KCNMA1: variants seen among roughly 807,000 people sequenced by gnomAD.
The protein encoded by KCNMA1 is Calcium-activated potassium channel subunit alpha-1.
KCNMA1 carries 29 observed loss-of-function variants against 140.0 expected under a neutral mutation model. The ratio of observed to expected loss-of-function variants is 0.21; its 90% CI spans 0.15 to 0.28. KCNMA1 has a LOEUF of 0.28. Ranked by LOEUF, KCNMA1 falls within the 10% of genes least tolerant of loss-of-function variation. The probability of loss-of-function intolerance (pLI) is 1.00; values close to 1 mark genes in which losing one functional copy is unlikely to be tolerated. For synonymous variants in KCNMA1, 612 were observed against 611.9 expected (o/e 1.00, Z 0.00); for missense variants, 880 against 1,602.2 (o/e 0.55, Z 7.70).
chr10:77,191,557 A>G (rs1160041706), intron 3 of KCNMA1, among the ~76,000 whole-genome samples: 1 of 152,088 alleles, frequency 6.6e-6, no homozygotes, highest in Non-Finnish European at 1.5e-5. Context: ...ATGTGTGTTC[A>G]ATAAGTTGTG....
intron 1 of KCNMA1, among the ~76,000 whole-genome samples, chr10:77,591,287 G>A (rs892614878): frequency 3.9e-5 from 6 of 152,170 alleles, no homozygotes; most frequent in African/African-American, 7.2e-5. Flanking sequence ...ACCACAGATC[G>A]CATGTGGTGG....
intron 3 of KCNMA1, among the ~76,000 whole-genome samples, chr10:77,208,529 C>T (rs932486880): frequency 3.5e-5 from 5 of 141,864 alleles, no homozygotes; most frequent in African/African-American, 1.3e-4. Context: ...AACCTGTGCG[C>T]AGAAATGAAA....
chr10:77,047,404 G>A (rs930777957), intron 14 of KCNMA1, among the ~76,000 whole-genome samples: 1 of 152,096 alleles, frequency 6.6e-6, no homozygotes, highest in Non-Finnish European at 1.5e-5. Flanking sequence ...ACATGTAAAA[G>A]TACCAGAATA....
intron 1 of KCNMA1, among the ~76,000 whole-genome samples, chr10:77,604,160 G>A (rs945127977): frequency 7.2e-5 from 11 of 152,232 alleles, no homozygotes; most frequent in African/African-American, 2.4e-4. Context: ...GCTAGGAGTT[G>A]CTCCTCTAGT....
chr10:77,100,817 C>A (rs745560174), intron 9 of KCNMA1, among the ~76,000 whole-genome samples: 1 of 152,128 alleles, frequency 6.6e-6, no homozygotes, highest in Non-Finnish European at 1.5e-5. Context: ...TGATCAGAAT[C>A]TTCAGCAATT....
intron 19 of KCNMA1, among the ~76,000 whole-genome samples, chr10:76,983,262 A>C (rs1172710081): frequency 2.0e-5 from 3 of 152,262 alleles, no homozygotes; most frequent in Non-Finnish European, 4.4e-5. Context: ...GTTCTCTGTG[A>C]AAATCACATG....
chr10:77,455,971 C>T (rs923546264), intron 1 of KCNMA1, among the ~76,000 whole-genome samples: 4 of 152,202 alleles, frequency 2.6e-5, no homozygotes, highest in Admixed American at 6.5e-5. Context: ...TTTTGTGTGG[C>T]TGATGAATTG....
At chr10:77,160,566 A>G (rs1054657805) in intron 5 of KCNMA1, among the ~76,000 whole-genome samples, 9 of 152,224 alleles carry the variant, frequency 5.9e-5, no homozygotes, top group African/African-American at 2.2e-4. Context: ...GGGGAATGTG[A>G]CTGGTTAAAA....
At chr10:77,613,602 C>T (rs2087935075) in intron 1 of KCNMA1, among the ~76,000 whole-genome samples, 1 of 152,196 alleles carries the variant, frequency 6.6e-6, no homozygotes. Context: ...TAAACAGATG[C>T]CATGATTCAC....
intron 2 of KCNMA1, among the ~76,000 whole-genome samples, chr10:77,328,709 G>A (rs2085160721): frequency 6.6e-6 from 1 of 152,156 alleles, no homozygotes; most frequent in African/African-American, 2.4e-5. Context: ...GATAACAGAA[G>A]AAAACATATA....
At chr10:76,906,736 C>A (rs2047975993) in intron 25 of KCNMA1, among the ~76,000 whole-genome samples, 1 of 152,170 alleles carries the variant, frequency 6.6e-6, no homozygotes, top group Non-Finnish European at 1.5e-5. Flanking sequence ...TTCATGACAG[C>A]CCTTTTTGTT....
chr10:77,556,429 T>A (rs954316629), intron 1 of KCNMA1, among the ~76,000 whole-genome samples: 1 of 136,070 alleles, frequency 7.3e-6, no homozygotes, highest in Non-Finnish European at 1.5e-5. Context: ...TGCTTGAGCC[T>A]GGTAGGCAGA....
At chr10:77,608,449 C>T (rs1454341793) in intron 1 of KCNMA1, among the ~76,000 whole-genome samples, 2 of 152,160 alleles carry the variant, frequency 1.3e-5, no homozygotes, top group Admixed American at 1.3e-4. Flanking sequence ...GCTGGGGTTA[C>T]AGTCATGAGT....
At chr10:76,892,436 T>TA (rs1360125793) in intron 25 of KCNMA1, among the ~76,000 whole-genome samples, 4 of 152,052 alleles carry the variant, frequency 2.6e-5, no homozygotes, top group Admixed American at 6.5e-5. Context: ...AATGGGAGTT[T>TA]AAAAAAAATT....
chr10:77,086,628 A>G (rs2096696652), intron 10 of KCNMA1, 35 bp from the exon 11 acceptor site: 1 of 1,482,164 alleles, frequency 6.7e-7, no homozygotes, highest in Non-Finnish European at 9.4e-7. Flanking sequence ...TATTAATTTA[A>G]TGGACTCGGG....
At chr10:77,126,735 C>CCCCCCCCCCCCCCCA (rs1554849516) in intron 5 of KCNMA1, among the ~76,000 whole-genome samples, 1 of 144,008 alleles carries the variant, frequency 6.9e-6, no homozygotes, top group African/African-American at 2.5e-5. Flanking sequence ...ACCCCCCCCC[C>CCCCCCCCCCCCCCCA]ACCACCACAC....
At chr10:77,066,944 C>A (rs1308582533) in intron 14 of KCNMA1, among the ~76,000 whole-genome samples, 4 of 152,142 alleles carry the variant, frequency 2.6e-5, no homozygotes, top group Non-Finnish European at 5.9e-5. Context: ...TCCAACCCTG[C>A]CACGCAAGGT....
At chr10:77,506,904 T>C (rs561525916) in intron 1 of KCNMA1, among the ~76,000 whole-genome samples, 108 of 151,310 alleles carry the variant, frequency 7.1e-4, no homozygotes, top group African/African-American at 1.9e-3. Context: ...CTTTGAAATA[T>C]GAAGAGAGAG....
At chr10:77,056,870 G>A (rs1462117542) in intron 14 of KCNMA1, among the ~76,000 whole-genome samples, 1 of 152,108 alleles carries the variant, frequency 6.6e-6, no homozygotes, top group Admixed American at 6.5e-5. Context: ...TGTGCAATTT[G>A]AACAACAGAG....
Sources: allele counts gnomAD v4.1 joint callset (sites outside exome capture counted in the v4.1 genomes callset), GRCh38; gene constraint gnomAD v4.1.1; transcripts MANE v1.5; gene names NCBI Gene and HGNC (gene_info 2026-07-23, HGNC 2026-07-21).